EPM2A: variants seen among roughly 807,000 people sequenced by gnomAD.
EPM2A encodes the protein EPM2A glucan phosphatase, laforin.
EPM2A carries 21 observed loss-of-function variants against 26.5 expected under a neutral mutation model. The observed-to-expected ratio is 0.79, with a 90% CI of 0.56 to 1.14. The LOEUF (loss-of-function observed/expected upper bound fraction) is 1.14, where lower values mean the gene tolerates loss of function less well. Ranked by LOEUF, EPM2A falls within the 50% of genes most tolerant of loss-of-function variation. The pLI is 0.00. For missense variants in EPM2A, 458 were observed against 440.8 expected (o/e 1.04, Z -0.35); for synonymous variants, 217 against 177.6 (o/e 1.22, Z -1.76).
chr6:145,511,816 C>A (rs975893464), intron 2 of EPM2A, among the ~76,000 whole-genome samples: 1 of 152,088 alleles, frequency 6.6e-6, no homozygotes, highest in Non-Finnish European at 1.5e-5. Flanking sequence ...AAGAGGAAGT[C>A]AAATTATTAT....
intron 1 of EPM2A, among the ~76,000 whole-genome samples, chr6:145,692,708 T>C (rs1197231147): frequency 6.6e-6 from 1 of 152,042 alleles, no homozygotes; most frequent in Non-Finnish European, 1.5e-5. Flanking sequence ...GTTAACTTTG[T>C]CAAATCAGAT....
intron 2 of EPM2A, among the ~76,000 whole-genome samples, chr6:145,564,354 AAC>A (rs2114817916): frequency 6.6e-6 from 1 of 152,358 alleles, no homozygotes; most frequent in African/African-American, 2.4e-5. Flanking sequence ...AAATAAAATT[AAC>A]AGAGTTTATT....
At chr6:145,667,118 T>C (rs1366003771) in intron 2 of EPM2A, among the ~76,000 whole-genome samples, 7 of 116,464 alleles carry the variant, frequency 6.0e-5, no homozygotes, top group African/African-American at 2.4e-4. Flanking sequence ...GGACTTCATG[T>C]CCAAAACACC....
intron 4 of EPM2A, among the ~76,000 whole-genome samples, chr6:145,422,770 A>T (rs752147798): frequency 6.6e-6 from 1 of 152,032 alleles, no homozygotes; most frequent in Non-Finnish European, 1.5e-5. Flanking sequence ...CTATTCCCCT[A>T]TTCCTTAGGT....
At chr6:145,440,118 C>T (rs189713214) in intron 4 of EPM2A, among the ~76,000 whole-genome samples, 2 of 152,230 alleles carry the variant, frequency 1.3e-5, no homozygotes, top group East Asian at 3.9e-4. Context: ...ATACCTGAGA[C>T]TGAAAAGAAA....
chr6:145,550,821 T>C (rs1780644939), intron 2 of EPM2A, among the ~76,000 whole-genome samples: 1 of 152,088 alleles, frequency 6.6e-6, no homozygotes, highest in African/African-American at 2.4e-5. Context: ...GAATAAACTA[T>C]ATAATACATA....
intron 2 of EPM2A, among the ~76,000 whole-genome samples, chr6:145,600,598 T>C (rs374920181): frequency 7.9e-5 from 12 of 152,346 alleles, no homozygotes; most frequent in African/African-American, 2.9e-4. Flanking sequence ...TCAGTTCCAA[T>C]CAACCCTTCG....
At chr6:145,553,037 G>A (rs1390938777) in intron 2 of EPM2A, among the ~76,000 whole-genome samples, 6 of 152,014 alleles carry the variant, frequency 3.9e-5, no homozygotes, top group African/African-American at 1.4e-4. Flanking sequence ...TAATCCCCAC[G>A]TGTCAAGGAT....
intron 2 of EPM2A, among the ~76,000 whole-genome samples, chr6:145,589,664 A>G (rs919954156): frequency 1.3e-5 from 2 of 152,188 alleles, no homozygotes; most frequent in East Asian, 1.9e-4. Context: ...GATCAAGTGT[A>G]TGAATGAAAA....
chr6:145,408,101 T>C (rs1328948008), intron 4 of EPM2A, among the ~76,000 whole-genome samples: 1 of 152,210 alleles, frequency 6.6e-6, no homozygotes, highest in African/African-American at 2.4e-5. Flanking sequence ...CTCTGCCTGT[T>C]ATGAGCCTCA....
chr6:145,633,779 T>C (rs1776440914), intron 3 of EPM2A: 1 of 152,188 alleles, frequency 6.6e-6, no homozygotes, highest in African/African-American at 2.4e-5. Context: ...GGGTTGAAAT[T>C]GCATGGGTCT....
intron 4 of EPM2A, among the ~76,000 whole-genome samples, chr6:145,388,783 G>A (rs188879217): frequency 1.8e-4 from 28 of 152,160 alleles, no homozygotes; most frequent in Admixed American, 8.5e-4. Flanking sequence ...CTGTTCCTGC[G>A]TTAGTTTGCT....
At chr6:145,515,410 C>T (rs1780112451) in intron 2 of EPM2A, among the ~76,000 whole-genome samples, 1 of 152,150 alleles carries the variant, frequency 6.6e-6, no homozygotes. Flanking sequence ...TAGTAGAATA[C>T]TACAGACTGA....
At chr6:145,643,358 T>C (rs1423597011) in intron 2 of EPM2A, among the ~76,000 whole-genome samples, 1 of 152,194 alleles carries the variant, frequency 6.6e-6, no homozygotes, top group Non-Finnish European at 1.5e-5. Flanking sequence ...ATCAAGCTAT[T>C]CAATTCCTTT....
At chr6:145,473,734 T>G (rs1473293965) in intron 4 of EPM2A, among the ~76,000 whole-genome samples, 1 of 152,134 alleles carries the variant, frequency 6.6e-6, no homozygotes, top group East Asian at 1.9e-4. Context: ...GTGGAAACCT[T>G]ACAGGCCAGA....
At chr6:145,590,007 C>T (rs1055569722) in intron 2 of EPM2A, among the ~76,000 whole-genome samples, 27 of 151,942 alleles carry the variant, frequency 1.8e-4, no homozygotes, top group African/African-American at 6.3e-4. Context: ...GGGTAAACCA[C>T]CACACAAATT....
At chr6:145,603,279 TAAA>T (rs35392511) in intron 2 of EPM2A, among the ~76,000 whole-genome samples, 1 of 145,956 alleles carries the variant, frequency 6.9e-6, no homozygotes, top group African/African-American at 2.5e-5. Flanking sequence ...ATCTCTAAAT[TAAA>T]AAAAAAAAAA....
In EPM2A at chr6:145,719,628, T is replaced by G. The variant is rs540407654; in HGVS notation, c.301+15570A>C. 3.3e-5 allele frequency among the ~76,000 whole-genome samples: 5 copies of G among 152,154 alleles called. No individual in the cohort carries two copies. The South Asian group carries it at 1.0e-3, about 32-fold the overall frequency. On this transcript the variant is annotated intron_variant, in intron 1 of 3. Transcript: ENST00000367519. ...CCTAAAACTTAAAGTATAATAATAA[T>G]AAATAAATAAATAAAAACATTGCAT...
Position 145,626,459 on chromosome 6 carries a change from C to G in EPM2A, c.*957G>C. On this transcript the variant is annotated 3_prime_UTR_variant, in exon 4 of 4. Transcript: ENST00000367519. ...CATCATGTTTTTAAATTAGCTTGCACAAAATACAACTAATTTCCTAGATTC... is the reference window on the plus strand; with the variant it reads ...CATCATGTTTTTAAATTAGCTTGCAGAAAATACAACTAATTTCCTAGATTC... 1.0e-6 allele frequency: 1 copy of G among 985,876 alleles called. No individual in the cohort carries two copies. Among genetic ancestry groups the G allele is most frequent in the Non-Finnish European group, 1.2e-6 (1 of 829,948 alleles). The allele number at this position is 985,876 out of a possible 1,614,324, so 61.1% of individuals were successfully genotyped here. A position where few individuals can be genotyped will look rare whatever the true frequency, so the allele number is the denominator to read the frequency against.
Sources: gnomAD v4.1 joint callset for allele counts (sites outside exome capture counted in the v4.1 genomes callset) on GRCh38, gnomAD v4.1.1 for gene constraint, MANE v1.5 for transcripts, NCBI Gene and HGNC (gene_info 2026-07-23, HGNC 2026-07-21) for gene names.